The following STARD3NL variants were observed in gnomAD, a reference collection of about 807,000 sequenced individuals.
STARD3NL encodes the protein STARD3 N-terminal-like protein.
STARD3NL carries 17 observed loss-of-function variants against 30.9 expected under a neutral mutation model. The observed-to-expected ratio is 0.55, with a 90% confidence interval of 0.38 to 0.82. The LOEUF is 0.82. STARD3NL is among the 40% of genes least tolerant of loss of function. STARD3NL has a pLI of 0.00. For missense variants in STARD3NL, 234 were observed against 277.6 expected (o/e 0.84, Z 1.12); for synonymous variants, 112 against 100.5 (o/e 1.11, Z -0.69).
chr7:38,229,637 C>T (rs906672236), intron 8 of STARD3NL, among the ~76,000 whole-genome samples: 2 of 152,180 alleles, frequency 1.3e-5, no homozygotes, highest in African/African-American at 2.4e-5. Context: ...GCCAAGGTCA[C>T]GGCGCATGGA....
At chr7:38,228,764 A>G (rs897477847) in intron 7 of STARD3NL, 35 bp from the exon 8 acceptor site, 1 of 1,580,706 alleles carries the variant, frequency 6.3e-7, no homozygotes. Context: ...AATGGAATGA[A>G]ATACTTTTTC....
intron 1 of STARD3NL, among the ~76,000 whole-genome samples, chr7:38,179,504 C>T (rs112090926): frequency 3.3e-5 from 5 of 152,286 alleles, no homozygotes; most frequent in African/African-American, 1.2e-4. Flanking sequence ...GGGATATTAC[C>T]TTACTTATGT....
At chr7:38,223,521 T>C (rs1026086436) in intron 7 of STARD3NL, among the ~76,000 whole-genome samples, 1 of 152,226 alleles carries the variant, frequency 6.6e-6, no homozygotes, top group African/African-American at 2.4e-5. Context: ...TGTGCAAGTC[T>C]AGATAAGGCA....
chr7:38,184,741 C>T (rs1278819186), intron 1 of STARD3NL, among the ~76,000 whole-genome samples: 3 of 144,676 alleles, frequency 2.1e-5, no homozygotes, highest in African/African-American at 5.1e-5. Context: ...TAGTATATAA[C>T]ATATACCATT....
chr7:38,187,649 T>C (rs1468654120), intron 1 of STARD3NL, among the ~76,000 whole-genome samples: 1 of 152,228 alleles, frequency 6.6e-6, no homozygotes, highest in Non-Finnish European at 1.5e-5. Flanking sequence ...TTTTTCATTT[T>C]TATGGCATAG....
At chr7:38,229,700 CCA>C (rs1359003507) in intron 8 of STARD3NL, among the ~76,000 whole-genome samples, 4 of 152,230 alleles carry the variant, frequency 2.6e-5, no homozygotes, top group African/African-American at 9.6e-5. Flanking sequence ...CATCTCTCCA[CCA>C]CAGTCATGTA....
intron 7 of STARD3NL, among the ~76,000 whole-genome samples, chr7:38,221,079 G>C (rs957245128): frequency 5.9e-5 from 9 of 152,196 alleles, no homozygotes; most frequent in African/African-American, 2.2e-4. Context: ...ACTTAGATGA[G>C]ATACCTAGAG....
intron 7 of STARD3NL, among the ~76,000 whole-genome samples, chr7:38,224,570 C>T (rs1170486988): frequency 1.3e-5 from 2 of 152,170 alleles, no homozygotes; most frequent in African/African-American, 4.8e-5. Flanking sequence ...ATCCCACACT[C>T]TCCTGCTTCG....
At chr7:38,189,416 A>T (rs772030087) in intron 1 of STARD3NL, among the ~76,000 whole-genome samples, 1 of 152,180 alleles carries the variant, frequency 6.6e-6, no homozygotes, top group Non-Finnish European at 1.5e-5. Flanking sequence ...GAATTAAATA[A>T]CACATGGTGT....
intron 1 of STARD3NL, chr7:38,179,081 A>G (rs10464362): frequency 0.23 from 34,654 of 152,124 alleles, 3,997 homozygotes; most frequent in Middle Eastern, 0.26. Flanking sequence ...TTTGTCTTCT[A>G]TTTCACAGAT....
chr7:38,227,801 G>A (rs1475273752), intron 7 of STARD3NL, among the ~76,000 whole-genome samples: 3 of 151,976 alleles, frequency 2.0e-5, no homozygotes, highest in African/African-American at 7.3e-5. Context: ...TTTCCTTCTT[G>A]GGGTGTGTGT....
chr7:38,200,781 GT>G (rs1305105692), intron 1 of STARD3NL, among the ~76,000 whole-genome samples: 2 of 152,024 alleles, frequency 1.3e-5, no homozygotes, highest in African/African-American at 4.8e-5. Flanking sequence ...AGCAGTAATT[GT>G]TTTTTTGGGG....
At chr7:38,199,431 T>A (rs1367350946) in intron 1 of STARD3NL, among the ~76,000 whole-genome samples, 1 of 152,254 alleles carries the variant, frequency 6.6e-6, no homozygotes, top group East Asian at 1.9e-4. Context: ...AGATAGAATT[T>A]ATGCAGTTGA....
intron 1 of STARD3NL, among the ~76,000 whole-genome samples, 182 bp from the exon 2 acceptor site, chr7:38,207,265 A>G (rs1785537014): frequency 6.6e-6 from 1 of 152,204 alleles, no homozygotes; most frequent in African/African-American, 2.4e-5. Flanking sequence ...ATTTTGTAGT[A>G]TTGCTCTAAA....
intron 1 of STARD3NL, among the ~76,000 whole-genome samples, chr7:38,197,146 T>TTC (rs1249064123): frequency 1.4e-4 from 20 of 140,448 alleles, no homozygotes; most frequent in Non-Finnish European, 2.3e-4. Context: ...TTTTCTTTCT[T>TTC]TCTTTCTTTC....
chr7:38,201,700 T>G (rs1562607107), intron 1 of STARD3NL: 1 of 151,638 alleles, frequency 6.6e-6, no homozygotes, highest in Non-Finnish European at 1.5e-5. Flanking sequence ...TTTGTTTGTT[T>G]TGTTTTGAGA....
At chr7:38,212,618 A>T (rs567838777) in intron 2 of STARD3NL, among the ~76,000 whole-genome samples, 11 of 152,208 alleles carry the variant, frequency 7.2e-5, no homozygotes, top group Non-Finnish European at 1.2e-4. Context: ...ATGGATAAAG[A>T]TCATTGTGGC....
At chr7:38,183,117 T>C (rs950791592) in intron 1 of STARD3NL, among the ~76,000 whole-genome samples, 4 of 152,244 alleles carry the variant, frequency 2.6e-5, no homozygotes, top group African/African-American at 9.6e-5. Context: ...TCTATTTTAA[T>C]TGTATGTTAA....
chr7:38,196,111 T>C (rs1784888334), intron 1 of STARD3NL, among the ~76,000 whole-genome samples: 1 of 152,216 alleles, frequency 6.6e-6, no homozygotes, highest in African/African-American at 2.4e-5. Context: ...GTTGTTTCCT[T>C]ACGTAAAATG....
Sources: gnomAD v4.1 joint callset for allele counts (sites outside exome capture counted in the v4.1 genomes callset) on GRCh38, gnomAD v4.1.1 for gene constraint, MANE v1.5 for transcripts, NCBI Gene and HGNC (gene_info 2026-07-23, HGNC 2026-07-21) for gene names.